The following NEK11 variants were observed in gnomAD, a reference collection of about 807,000 sequenced individuals.
NEK11 encodes NIMA related kinase 11.
NEK11 carries 72 observed loss-of-function variants against 80.7 expected under a neutral mutation model. The observed-to-expected ratio is 0.89, with a 90% CI of 0.74 to 1.08. The LOEUF is 1.08. Ranked by LOEUF, NEK11 falls within the 50% of genes least tolerant of loss-of-function variation. NEK11 has a pLI of 0.00. For synonymous variants in NEK11, 251 were observed against 260.7 expected, an observed-to-expected ratio of 0.96 and a Z score of 0.36; for missense variants, 764 against 763.6, an observed-to-expected ratio of 1.00 and a Z score of -0.01.
chr3:131,183,292 A>G (rs1294159175), intron 14 of NEK11, among the ~76,000 whole-genome samples: 5 of 152,190 alleles, frequency 3.3e-5, no homozygotes, highest in African/African-American at 1.2e-4. Context: ...ATTAAATAAA[A>G]TTTAAAGTTC....
At chr3:131,067,105 AT>A (rs1187828089) in intron 3 of NEK11, among the ~76,000 whole-genome samples, 3 of 152,132 alleles carry the variant, frequency 2.0e-5, no homozygotes, top group Non-Finnish European at 2.9e-5. Context: ...ATTATCTCAT[AT>A]CTTGGTCTTT....
chr3:131,103,069 T>G (rs752812453), intron 4 of NEK11, among the ~76,000 whole-genome samples: 1 of 152,176 alleles, frequency 6.6e-6, no homozygotes, highest in Non-Finnish European at 1.5e-5. Flanking sequence ...CTTAGATCAT[T>G]TTACTAATTC....
At chr3:131,144,241 C>G (rs1439302890) in intron 7 of NEK11, among the ~76,000 whole-genome samples, 1 of 152,096 alleles carries the variant, frequency 6.6e-6, no homozygotes, top group Admixed American at 6.6e-5. Context: ...CTGATCCCAG[C>G]CTTCTTTTTC....
At chr3:131,120,988 G>A (rs747023378) in intron 5 of NEK11, among the ~76,000 whole-genome samples, 6 of 152,158 alleles carry the variant, frequency 3.9e-5, no homozygotes, top group South Asian at 2.1e-4. Flanking sequence ...CTCTCAACTC[G>A]TCAAAGTCAT....
At chr3:131,107,235 A>T (rs1441711327) in intron 4 of NEK11, among the ~76,000 whole-genome samples, 1 of 152,096 alleles carries the variant, frequency 6.6e-6, no homozygotes, top group Non-Finnish European at 1.5e-5. Context: ...ATTTTAAAAA[A>T]ATGCACAGGT....
At chr3:131,229,970 T>G (rs1170246914) in intron 15 of NEK11, among the ~76,000 whole-genome samples, 1 of 152,158 alleles carries the variant, frequency 6.6e-6, no homozygotes, top group Non-Finnish European at 1.5e-5. Context: ...CAGCACCTCC[T>G]ACCACAAATC....
chr3:131,072,740 C>G (rs1265983699), intron 3 of NEK11, among the ~76,000 whole-genome samples: 1 of 152,074 alleles, frequency 6.6e-6, no homozygotes, highest in Non-Finnish European at 1.5e-5. Context: ...AGGGAATCCA[C>G]TCATATTGTA....
At chr3:131,124,347 G>T (rs775120360) in intron 5 of NEK11, among the ~76,000 whole-genome samples, 2 of 152,190 alleles carry the variant, frequency 1.3e-5, no homozygotes, top group Non-Finnish European at 2.9e-5. Flanking sequence ...GGAGGCAGAG[G>T]CACACTTGAA....
chr3:131,170,298 A>T (rs1443257004), intron 13 of NEK11, among the ~76,000 whole-genome samples: 1 of 152,196 alleles, frequency 6.6e-6, no homozygotes, highest in Non-Finnish European at 1.5e-5. Flanking sequence ...GGTCTCTTAG[A>T]TCTTTTTCTT....
intron 3 of NEK11, among the ~76,000 whole-genome samples, chr3:131,054,765 T>TAAAG (rs1276625090): frequency 7.5e-6 from 1 of 133,398 alleles, no homozygotes; most frequent in Non-Finnish European, 1.6e-5. Context: ...AATAAATAAA[T>TAAAG]AAATAAATAA....
chr3:131,210,668 G>C (rs957586430), intron 14 of NEK11, among the ~76,000 whole-genome samples: 51 of 152,180 alleles, frequency 3.4e-4, no homozygotes, highest in African/African-American at 1.2e-3. Flanking sequence ...TGTATTGGGT[G>C]TATATATATT....
intron 17 of NEK11, among the ~76,000 whole-genome samples, chr3:131,310,343 GT>G (rs1404409573): frequency 6.6e-6 from 1 of 152,096 alleles, no homozygotes; most frequent in Non-Finnish European, 1.5e-5. Context: ...GTGCCCATAG[GT>G]TTGTTTTCTC....
At chr3:131,104,317 G>A (rs562476385) in intron 4 of NEK11, among the ~76,000 whole-genome samples, 5 of 152,106 alleles carry the variant, frequency 3.3e-5, no homozygotes, top group Non-Finnish European at 7.4e-5. Flanking sequence ...AGCTGCTCTG[G>A]GGGCCTAAGC....
intron 5 of NEK11, among the ~76,000 whole-genome samples, chr3:131,127,273 G>A (rs1158527665): frequency 2.0e-5 from 3 of 151,686 alleles, no homozygotes; most frequent in Admixed American, 6.6e-5. Context: ...CCTTTTCTAT[G>A]TTTTTAATCT....
intron 10 of NEK11, among the ~76,000 whole-genome samples, chr3:131,160,506 T>C (rs2091392669): frequency 6.6e-6 from 1 of 152,118 alleles, no homozygotes; most frequent in Admixed American, 6.5e-5. Context: ...AGTGACACTA[T>C]AGAGCAACCA....
At chr3:131,227,608 A>G (rs2107775417) in intron 14 of NEK11, among the ~76,000 whole-genome samples, 1 of 152,314 alleles carries the variant, frequency 6.6e-6, no homozygotes, top group Non-Finnish European at 1.5e-5. Flanking sequence ...ATAATGTGTT[A>G]CAATTTGGAA....
chr3:131,215,638 C>T (rs192547176), intron 14 of NEK11, among the ~76,000 whole-genome samples: 88 of 152,270 alleles, frequency 5.8e-4, no homozygotes, highest in Middle Eastern at 6.8e-3. Context: ...TGATATGGCA[C>T]TCAGTTACAT....
At chr3:131,316,152 AC>A (rs1340521424) in intron 17 of NEK11, among the ~76,000 whole-genome samples, 15 of 152,238 alleles carry the variant, frequency 9.9e-5, no homozygotes, top group African/African-American at 3.4e-4. Flanking sequence ...AAGGAAAAAA[AC>A]ATTATGCCTA....
At chr3:131,235,400 G>A (rs558236686) in intron 15 of NEK11, among the ~76,000 whole-genome samples, 67 of 152,156 alleles carry the variant, frequency 4.4e-4, no homozygotes, top group Non-Finnish European at 6.6e-4. Context: ...CCTAAACAGC[G>A]TTGGCAAACA....
Sources: gnomAD v4.1 joint callset for allele counts (sites outside exome capture counted in the v4.1 genomes callset) on GRCh38, gnomAD v4.1.1 for gene constraint, MANE v1.5 for transcripts, NCBI Gene and HGNC (gene_info 2026-07-23, HGNC 2026-07-21) for gene names.